NPR3: variants seen among roughly 807,000 people sequenced by gnomAD.
NPR3 encodes the protein natriuretic peptide receptor 3, also known as atrial natriuretic peptide receptor 3.
A neutral mutation model predicts 54.5 loss-of-function variants in NPR3; 34 were observed. The observed-to-expected ratio is 0.62, with a 90% CI of 0.47 to 0.83. The LOEUF (loss-of-function observed/expected upper bound fraction) is 0.83, where lower values mean the gene tolerates loss of function less well. Ranked by LOEUF, NPR3 falls within the 40% of genes least tolerant of loss-of-function variation. NPR3 has a pLI of 0.00. For missense variants in NPR3, 674 were observed against 720.8 expected (o/e 0.94, Z 0.74); for synonymous variants, 289 against 297.1 (o/e 0.97, Z 0.28).
chr5:32,719,484 T>C lies in NPR3; in HGVS notation c.770-5214T>C, dbSNP rs906555211. 3.3e-5 allele frequency among the ~76,000 whole-genome samples: 5 copies of C among 152,366 alleles called. No individual in the cohort carries two copies. In the East Asian group the frequency reaches 9.6e-4, roughly 29 times the overall value. ...GTGACAGTATTGCTTTACTGTCTTC[T>C]AAATTCTAACATTGCTATTAGAAAG... is the stretch of plus-strand genomic sequence containing the variant. On this transcript the variant is annotated intron_variant, in intron 1 of 7. Coordinates refer to ENST00000265074, the MANE Select transcript of NPR3 (RefSeq NM_001204375.2).
rs112400933 is a variant in NPR3 at position 32,755,418 on chromosome 5, G to T, written c.1059+16388G>T. On this transcript the variant is annotated intron_variant, in intron 3 of 7. Coordinates refer to ENST00000265074, the MANE Select transcript of NPR3 (RefSeq NM_001204375.2). ...GACTCTCCCTATCAGCACACATATA[G>T]TTAAGCCTGAAGATGGTTGGTGATT... 8.4e-3 allele frequency among the ~76,000 whole-genome samples: 1,280 copies of T among 152,240 alleles called. 20 individuals are homozygous for T. The highest frequency in any genetic ancestry group is 0.029 in the African/African-American group (1,201 of 41,526).
At chr5:32,713,294 G>A in intron 1 of NPR3, 1 of 985,422 alleles carries the variant, frequency 1.0e-6, no homozygotes, top group South Asian at 4.7e-5. Context: ...CTTTCCACCT[G>A]TCCCCCAAGT....
chr5:32,718,025 AT>A (rs1378450584), intron 1 of NPR3, among the ~76,000 whole-genome samples: 1 of 152,162 alleles, frequency 6.6e-6, no homozygotes, highest in Non-Finnish European at 1.5e-5. Context: ...TCTTGAATTA[AT>A]TTTTGTATAA....
At chr5:32,713,029 C>G (rs567705082) in intron 1 of NPR3, 1 of 357,018 alleles carries the variant, frequency 2.8e-6, no homozygotes, top group Non-Finnish European at 3.9e-6. Context: ...CTCGCCCGCT[C>G]TTGGGGTTTC....
intron 2 of NPR3, among the ~76,000 whole-genome samples, chr5:32,729,240 CG>C (rs1174599075): frequency 6.6e-6 from 1 of 151,424 alleles, no homozygotes; most frequent in African/African-American, 2.4e-5. Context: ...CGTTTTAGCC[CG>C]GATGGTCTCG....
chr5:32,758,962 C>T (rs376900835), intron 3 of NPR3, among the ~76,000 whole-genome samples: 48 of 152,068 alleles, frequency 3.2e-4, no homozygotes, highest in Middle Eastern at 3.4e-3. Context: ...CACTGTGGTC[C>T]GAGAGACAGT....
intron 3 of NPR3, among the ~76,000 whole-genome samples, chr5:32,772,885 G>T (rs555464781): frequency 1.3e-5 from 2 of 150,394 alleles, no homozygotes; most frequent in African/African-American, 2.5e-5. Context: ...GAACTGGAAA[G>T]GGGGGGCGAG....
In NPR3 at chr5:32,701,765, T is replaced by C. The variant is rs1433476970; in HGVS notation, c.100+12579T>C. Among the ~76,000 whole-genome samples the C allele has an allele frequency of 5.3e-5, 8 of 152,222 alleles. 1 individual carries two copies. The highest frequency in any genetic ancestry group is 5.2e-4 in the Admixed American group (8 of 15,286). ...CCCAAGCTCAGTCATGCTGTGGCTT[T>C]TGCAGACTTATATAGGTACTGCCTT... On this transcript the variant is annotated intron_variant, in intron 1 of 5. Transcript: ENST00000509104.
At chr5:32,736,493 C>A (rs1466181330) in intron 2 of NPR3, among the ~76,000 whole-genome samples, 7 of 152,186 alleles carry the variant, frequency 4.6e-5, no homozygotes, top group Non-Finnish European at 1.0e-4. Flanking sequence ...CTCACACCCT[C>A]TTTGCCTAAG....
chr5:32,761,147 G>GT (rs1741141590), intron 3 of NPR3, among the ~76,000 whole-genome samples: 1 of 151,732 alleles, frequency 6.6e-6, no homozygotes, highest in Non-Finnish European at 1.5e-5. Flanking sequence ...CCTACTGTAA[G>GT]TTTTTTCCTT....
chr5:32,784,902 G>C lies in NPR3; in HGVS notation c.1514+19G>C, dbSNP rs370935701. 2.5e-5 allele frequency: 39 copies of C among 1,552,576 alleles called. No individual in the cohort carries two copies. The highest frequency in any genetic ancestry group is 3.2e-5 in the Non-Finnish European group (36 of 1,124,214). ...TTTTCAGGTGAGGACGGTTTGTAAA[G>C]GTACAATTCACTCTCTTCTGCTGTC... On this transcript the variant is annotated intron_variant, in intron 7 of 7. Coordinates refer to ENST00000265074, the MANE Select transcript of NPR3 (RefSeq NM_001204375.2).
At chr5:32,758,964 A>G (rs1741001009) in intron 3 of NPR3, among the ~76,000 whole-genome samples, 1 of 152,200 alleles carries the variant, frequency 6.6e-6, no homozygotes, top group Non-Finnish European at 1.5e-5. Context: ...CTGTGGTCCG[A>G]GAGACAGTTT....
At chr5:32,778,255 A>G (rs907744515) in intron 4 of NPR3, among the ~76,000 whole-genome samples, 1 of 152,234 alleles carries the variant, frequency 6.6e-6, no homozygotes, top group African/African-American at 2.4e-5. Context: ...GTTTAAATGT[A>G]AAGATAATTG....
rs1448910602 is a variant in NPR3, at chr5:32,712,210, G to A, written c.434G>A (p.Arg145Gln). 1.2e-6 allele frequency: 2 copies of A among 1,612,678 alleles called. No individual in the cohort carries two copies. The highest frequency in any genetic ancestry group is 1.7e-6 in the Non-Finnish European group (2 of 1,179,666). ...GAGTATGCAGCAGCGCCAGTGGCCC[G>A]GCTTGCATCGCACTGGGACCTGCCC... Reference protein sequence around the residue: ...VCEYAAAPVARLASHWDLPML... With the variant: ...VCEYAAAPVAQLASHWDLPML... The change falls in exon 1 of 8, where the codon CGG (arginine) becomes CAG (glutamine). Residue 145 changes from arginine (R) to glutamine (Q), a missense_variant. Transcript: ENST00000265074.
chr5:32,754,379 T>C (rs752275088), intron 3 of NPR3, among the ~76,000 whole-genome samples: 2 of 152,060 alleles, frequency 1.3e-5, no homozygotes, highest in Non-Finnish European at 2.9e-5. Flanking sequence ...CTCAAGCACT[T>C]TGAGTGATAG....
chr5:32,727,514 C>G (rs1453841638), intron 2 of NPR3, among the ~76,000 whole-genome samples: 1 of 152,160 alleles, frequency 6.6e-6, no homozygotes, highest in Non-Finnish European at 1.5e-5. Flanking sequence ...CTTGTCAAGC[C>G]TGTATAATCT....
intron 1 of NPR3, among the ~76,000 whole-genome samples, chr5:32,721,976 C>A (rs1220320017): frequency 6.6e-6 from 1 of 152,098 alleles, no homozygotes; most frequent in African/African-American, 2.4e-5. Flanking sequence ...CTTAGGGGAC[C>A]CAACCTGGTG....
chr5:32,697,364 TTATTGAA>T lies in NPR3; in HGVS notation c.100+8180_100+8186del, dbSNP rs533139582. On this transcript the variant is annotated intron_variant, in intron 1 of 5. Coordinates refer to the NPR3 transcript ENST00000509104. The stretch of plus-strand genomic sequence containing the variant: ...CACAATAAATGATCCTTTTAATGTG[TTATTGAA>T]TTTGGTTTGCTATTCTTATATTGAG... 1.1e-3 allele frequency among the ~76,000 whole-genome samples: 169 copies of T among 152,242 alleles called. 1 individual carries two copies. Among genetic ancestry groups the T allele is most frequent in the African/African-American group, 3.9e-3 (162 of 41,566 alleles).
At chr5:32,776,391 C>T (rs1271173663) in intron 4 of NPR3, among the ~76,000 whole-genome samples, 1 of 152,194 alleles carries the variant, frequency 6.6e-6, no homozygotes, top group Admixed American at 6.5e-5. Flanking sequence ...TCTTGCACAT[C>T]TTGAAGAATT....
Sources: allele counts gnomAD v4.1 joint callset (sites outside exome capture counted in the v4.1 genomes callset), GRCh38; gene constraint gnomAD v4.1.1; transcripts MANE v1.5; gene names NCBI Gene and HGNC (gene_info 2026-07-23, HGNC 2026-07-21).